The following TAOK1 variants were observed in gnomAD, a reference collection of about 807,000 sequenced individuals.
The protein encoded by TAOK1 is serine/threonine-protein kinase TAO1.
A neutral mutation model predicts 138.3 loss-of-function variants in TAOK1; 21 were observed. The observed-to-expected ratio is 0.15, with a 90% CI of 0.11 to 0.22. The LOEUF is 0.22. Ranked by LOEUF, TAOK1 falls within the 10% of genes least tolerant of loss-of-function variation. TAOK1 has a pLI of 1.00. For synonymous variants in TAOK1, 361 were observed against 398.4 expected, an observed-to-expected ratio of 0.91 and a Z score of 1.12; for missense variants, 651 against 1,227.7, an observed-to-expected ratio of 0.53 and a Z score of 7.02.
intron 15 of TAOK1, among the ~76,000 whole-genome samples, chr17:29,515,662 C>T (rs1718878249): frequency 2.0e-5 from 3 of 151,966 alleles, no homozygotes; most frequent in South Asian, 2.1e-4. Context: ...GGTGAAATCT[C>T]GTCTCTACTA....
intron 9 of TAOK1, 137 bp downstream of exon 9, chr17:29,489,894 CT>C: frequency 2.1e-6 from 1 of 486,320 alleles, no homozygotes; most frequent in Non-Finnish European, 3.4e-6. Flanking sequence ...GTATTTTACC[CT>C]TTTAAATATA....
At chr17:29,525,702 A>G (rs2031998101) in intron 17 of TAOK1, among the ~76,000 whole-genome samples, 2 of 152,046 alleles carry the variant, frequency 1.3e-5, no homozygotes, top group Admixed American at 6.6e-5. Flanking sequence ...GCCCAGCACA[A>G]TGCTTTAAAA....
In TAOK1 at chr17:29,467,194, A is replaced by T; in HGVS notation, c.182A>T (p.Tyr61Phe). 6.2e-7 allele frequency: 1 copy of T among 1,605,532 alleles called. No individual in the cohort carries two copies. Among genetic ancestry groups the T allele is most frequent in the South Asian group, 1.1e-5 (1 of 89,592 alleles). The part of the protein sequence containing the change: ...NEVVAIKKMS[Y>F]SGKQSTEKWQ... Reference sequence around the variant, plus strand: ...GTGGTGGCCATCAAGAAAATGTCTTATAGTGGAAAGCAGTCTACTGAGGTA... The same window carrying T: ...GTGGTGGCCATCAAGAAAATGTCTTTTAGTGGAAAGCAGTCTACTGAGGTA... Residue 61 changes from tyrosine to phenylalanine, a missense_variant, in exon 3 of 20, where the codon TAT (tyrosine) becomes TTT (phenylalanine). Coordinates refer to ENST00000261716, the MANE Select transcript of TAOK1 (RefSeq NM_020791.4).
chr17:29,400,136 G>A (rs936414954), intron 1 of TAOK1, among the ~76,000 whole-genome samples: 2 of 152,198 alleles, frequency 1.3e-5, no homozygotes, highest in African/African-American at 2.4e-5. Context: ...GCTCAGGCCT[G>A]TAATCTCAGC....
At chr17:29,445,204 T>A (rs1031190118) in intron 1 of TAOK1, 25 of 152,306 alleles carry the variant, frequency 1.6e-4, no homozygotes, top group African/African-American at 6.0e-4. Context: ...CAATGCGCAA[T>A]AAGCACATAT....
chr17:29,425,630 T>C (rs1311807329), intron 1 of TAOK1, among the ~76,000 whole-genome samples: 1 of 152,066 alleles, frequency 6.6e-6, no homozygotes, highest in Non-Finnish European at 1.5e-5. Flanking sequence ...CACCACTGCA[T>C]TCCAGCCTGG....
intron 1 of TAOK1, among the ~76,000 whole-genome samples, chr17:29,416,304 A>G (rs1299889556): frequency 6.6e-6 from 1 of 151,930 alleles, no homozygotes; most frequent in African/African-American, 2.4e-5. Flanking sequence ...TTATTGCAAC[A>G]TTATTTATTT....
At chr17:29,510,819 TTATC>T (rs1300763621) in intron 14 of TAOK1, 41 bp from the exon 15 acceptor site, 1 of 1,436,166 alleles carries the variant, frequency 7.0e-7, no homozygotes, top group Non-Finnish European at 9.4e-7. Context: ...AACCACTACT[TTATC>T]TACTTAACTA....
At chr17:29,399,961 A>G (rs1196528637) in intron 1 of TAOK1, among the ~76,000 whole-genome samples, 1 of 152,024 alleles carries the variant, frequency 6.6e-6, no homozygotes, top group Non-Finnish European at 1.5e-5. Flanking sequence ...TGATCTTCTG[A>G]GTTTAAGTGA....
chr17:29,431,530 CAGAA>C (rs10562000), intron 1 of TAOK1, among the ~76,000 whole-genome samples: 93,915 of 151,470 alleles, frequency 0.62, 30,283 homozygotes, highest in East Asian at 0.97. Flanking sequence ...ATAGGCAACT[CAGAA>C]AGAAGATTGG....
At chr17:29,450,085 C>G (rs544349014) in intron 1 of TAOK1, among the ~76,000 whole-genome samples, 1 of 149,350 alleles carries the variant, frequency 6.7e-6, no homozygotes, top group Admixed American at 6.7e-5. Context: ...TTTTCCTTTC[C>G]TTTCCTTTCT....
rs2031039281 is a variant in TAOK1, at chr17:29,480,564, G to A, written c.563+83G>A. 12 of 1,205,184 alleles carry A rather than the reference G, an allele frequency of 1.0e-5. No homozygotes were observed. The South Asian group carries it at 1.0e-4, about 10-fold the overall frequency. The allele number at this position is 1,205,184 out of a possible 1,614,324, so 74.7% of individuals were successfully genotyped here. ...AAATACAAATGAAGTGTAAGGTAAA[G>A]TACTGTCAGGAATGTTAAACTCGGC... is the stretch of plus-strand genomic sequence containing the variant. On this transcript the variant is annotated intron_variant, in intron 7 of 19. Coordinates refer to ENST00000261716, the MANE Select transcript of TAOK1 (RefSeq NM_020791.4).
chr17:29,499,312 A>G (rs1256237715), intron 12 of TAOK1, among the ~76,000 whole-genome samples: 4 of 148,900 alleles, frequency 2.7e-5, no homozygotes. Context: ...ACCCACTGCA[A>G]CCTCCACCTC....
intron 2 of TAOK1, among the ~76,000 whole-genome samples, chr17:29,462,665 A>T (rs779153367): frequency 6.6e-6 from 1 of 152,204 alleles, no homozygotes; most frequent in Non-Finnish European, 1.5e-5. Flanking sequence ...GGTGTTGTTC[A>T]CATTAGTCTC....
intron 1 of TAOK1, among the ~76,000 whole-genome samples, chr17:29,405,057 G>A (rs1264223899): frequency 2.0e-5 from 3 of 152,022 alleles, no homozygotes; most frequent in Admixed American, 6.6e-5. Context: ...TCGGCTCACC[G>A]CAACCTCCAC....
intron 1 of TAOK1, among the ~76,000 whole-genome samples, chr17:29,406,856 C>T (rs1905006206): frequency 6.6e-6 from 1 of 152,102 alleles, no homozygotes; most frequent in Non-Finnish European, 1.5e-5. Flanking sequence ...GTGTGAGCTA[C>T]CATGCTTAGC....
At chr17:29,519,914 A>C (rs2031885682) in intron 16 of TAOK1, among the ~76,000 whole-genome samples, 1 of 152,164 alleles carries the variant, frequency 6.6e-6, no homozygotes, top group Non-Finnish European at 1.5e-5. Flanking sequence ...AACTTTTTTC[A>C]TAAAAGTGAA....
At chr17:29,405,671 C>T (rs1007574041) in intron 1 of TAOK1, among the ~76,000 whole-genome samples, 3 of 151,880 alleles carry the variant, frequency 2.0e-5, no homozygotes, top group Non-Finnish European at 4.4e-5. Context: ...CCCAGCTACT[C>T]GGGAGGCAGA....
chr17:29,494,346 C>T (rs7217545), intron 10 of TAOK1, among the ~76,000 whole-genome samples: 4 of 151,828 alleles, frequency 2.6e-5, no homozygotes, highest in Admixed American at 1.3e-4. Flanking sequence ...CCCCCACCCC[C>T]CAAAAAATAA....
Sources: gnomAD v4.1 joint callset for allele counts (sites outside exome capture counted in the v4.1 genomes callset) on GRCh38, gnomAD v4.1.1 for gene constraint, MANE v1.5 for transcripts, NCBI Gene and HGNC (gene_info 2026-07-23, HGNC 2026-07-21) for gene names.